Variants in TMEFF2 observed in about 807,000 individuals in gnomAD.
The protein encoded by TMEFF2 is transmembrane protein with EGF like and two follistatin like domains 2, also known as tomoregulin-2.
Under a neutral mutation model 53.8 loss-of-function variants are expected in TMEFF2, and 28 were observed. The ratio of observed to expected loss-of-function variants is 0.52; its 90% CI spans 0.39 to 0.71. The LOEUF is 0.71. Ranked by LOEUF, TMEFF2 falls within the 30% of genes least tolerant of loss-of-function variation. The probability of loss-of-function intolerance (pLI) is 0.00; values close to 1 mark genes in which losing one functional copy is unlikely to be tolerated. For missense variants in TMEFF2, 353 were observed against 455.2 expected (o/e 0.78, Z 2.04); for synonymous variants, 162 against 166.3 (o/e 0.97, Z 0.20).
At chr2:192,092,768 CAG>C in intron 4 of TMEFF2, among the ~76,000 whole-genome samples, 3 of 152,062 alleles carry the variant, frequency 2.0e-5, no homozygotes, top group Middle Eastern at 3.4e-3. Flanking sequence ...AAGAAAGGAG[CAG>C]AGAGGGAAAA....
intron 4 of TMEFF2, among the ~76,000 whole-genome samples, chr2:192,169,999 CT>C (rs1217711388): frequency 1.3e-5 from 2 of 151,960 alleles, no homozygotes; most frequent in Admixed American, 6.6e-5. Flanking sequence ...CTACTAATTC[CT>C]TTTTTTCCTT....
chr2:192,047,692 C>A (rs1687657398), intron 5 of TMEFF2, among the ~76,000 whole-genome samples: 1 of 152,096 alleles, frequency 6.6e-6, no homozygotes, highest in East Asian at 1.9e-4. Flanking sequence ...TGGCTTTTTT[C>A]TGTAATAAGC....
chr2:192,007,844 A>G (rs1686536525), intron 5 of TMEFF2, among the ~76,000 whole-genome samples: 1 of 152,212 alleles, frequency 6.6e-6, no homozygotes, highest in Admixed American at 6.5e-5. Flanking sequence ...TATATGGAAG[A>G]AAAGGAAGAA....
chr2:192,011,712 T>C (rs1427875502), intron 5 of TMEFF2, among the ~76,000 whole-genome samples: 1 of 152,158 alleles, frequency 6.6e-6, no homozygotes, highest in African/African-American at 2.4e-5. Flanking sequence ...ACCTGAAATT[T>C]GGCAGTATTT....
rs1027670261 is a variant in TMEFF2, at chr2:192,042,149, C to T, written c.536+15530G>A. ...TCAGGAGGCGGAGGTTGCAGTGAGC[C>T]GAGATCACACCACTGAACTCCAGCC... On this transcript the variant is annotated intron_variant, in intron 5 of 9. Coordinates refer to ENST00000272771, the MANE Select transcript of TMEFF2 (RefSeq NM_016192.4). Among the ~76,000 whole-genome samples the T allele has an allele frequency of 4.0e-5, 6 of 150,906 alleles. No homozygotes were observed. The South Asian group carries it at 6.3e-4, about 16-fold the overall frequency.
chr2:191,949,677 C>T lies in TMEFF2; in HGVS notation c.*634G>A. 1 of 985,412 alleles carries T rather than the reference C, an allele frequency of 1.0e-6. No homozygotes were observed. The highest frequency in any genetic ancestry group is 1.2e-6 in the Non-Finnish European group (1 of 829,934). The allele number at this position is 985,412 out of a possible 1,614,324, so 61.0% of individuals were successfully genotyped here. A position where few individuals can be genotyped will look rare whatever the true frequency, so the allele number is the denominator to read the frequency against. On this transcript the variant is annotated 3_prime_UTR_variant, in exon 10 of 10. Transcript: ENST00000272771. ...CCTCTCCTTTATGAGTTATAAAACA[C>T]TTTCCCTCCCCTTCTTCTTTTATTT...
At chr2:192,100,310 C>G (rs1214869469) in intron 4 of TMEFF2, among the ~76,000 whole-genome samples, 1 of 152,128 alleles carries the variant, frequency 6.6e-6, no homozygotes, top group East Asian at 1.9e-4. Flanking sequence ...GTCCAGAAAG[C>G]CTTGCCTCAT....
intron 4 of TMEFF2, among the ~76,000 whole-genome samples, chr2:192,069,988 G>GTGTATATATATATATA (rs1340532324): frequency 8.4e-6 from 1 of 118,806 alleles, no homozygotes; most frequent in Non-Finnish European, 1.8e-5. Context: ...GTGTGTGTGT[G>GTGTATATATATATATA]TATATATATA....
At chr2:192,173,220 A>C (rs1690957811) in intron 4 of TMEFF2, among the ~76,000 whole-genome samples, 1 of 151,886 alleles carries the variant, frequency 6.6e-6, no homozygotes, top group South Asian at 2.1e-4. Context: ...ATCATGATAC[A>C]TTGCATGCTT....
At chr2:192,039,315 A>G (rs534441206) in intron 5 of TMEFF2, among the ~76,000 whole-genome samples, 1 of 152,348 alleles carries the variant, frequency 6.6e-6, no homozygotes, top group Non-Finnish European at 1.5e-5. Flanking sequence ...GAAGTCTTAT[A>G]AGTAAATTTA....
At chr2:192,168,913 C>A (rs1382059948) in intron 4 of TMEFF2, among the ~76,000 whole-genome samples, 1 of 151,898 alleles carries the variant, frequency 6.6e-6, no homozygotes, top group Non-Finnish European at 1.5e-5. Flanking sequence ...CTATTTATAG[C>A]CACTATCATA....
chr2:192,052,423 A>G (rs1441673324), intron 5 of TMEFF2, among the ~76,000 whole-genome samples: 1 of 152,208 alleles, frequency 6.6e-6, no homozygotes, highest in Non-Finnish European at 1.5e-5. Context: ...ATTACTTCTA[A>G]GGAATAGTTC....
intron 5 of TMEFF2, chr2:192,044,459 G>T (rs950949542): frequency 6.6e-6 from 1 of 152,204 alleles, no homozygotes. Context: ...ACAATGCCTA[G>T]TGGGCCTCTT....
intron 4 of TMEFF2, among the ~76,000 whole-genome samples, chr2:192,076,024 G>A (rs1436344176): frequency 6.6e-6 from 1 of 151,984 alleles, no homozygotes; most frequent in African/African-American, 2.4e-5. Context: ...AACTACCTCT[G>A]TGGTCTCTCT....
At chr2:192,147,158 G>A (rs1414863224) in intron 4 of TMEFF2, among the ~76,000 whole-genome samples, 2 of 151,876 alleles carry the variant, frequency 1.3e-5, no homozygotes, top group African/African-American at 4.8e-5. Flanking sequence ...GAAGAAACAG[G>A]AACTCTTGTA....
intron 4 of TMEFF2, among the ~76,000 whole-genome samples, chr2:192,131,173 AAAAGGGC>A (rs2105977138): frequency 8.8e-5 from 1 of 11,314 alleles, no homozygotes; most frequent in African/African-American, 2.9e-4. Flanking sequence ...CTTTTCTGGG[AAAAGGGC>A]AAGTACCCCA....
chr2:191,950,468 C>T (rs1691840806), intron 9 of TMEFF2, 61 bp from the exon 10 acceptor site: 2 of 1,610,324 alleles, frequency 1.2e-6, no homozygotes, highest in Admixed American at 1.7e-5. Flanking sequence ...TTTGGCCCTA[C>T]AATCACAGAA....
chr2:192,027,400 A>T (rs1478837300), intron 5 of TMEFF2, among the ~76,000 whole-genome samples: 1 of 152,224 alleles, frequency 6.6e-6, no homozygotes, highest in Non-Finnish European at 1.5e-5. Flanking sequence ...GATATATATC[A>T]GAGAGGAGCG....
chr2:192,142,773 C>G (rs1447473819), intron 4 of TMEFF2, among the ~76,000 whole-genome samples: 1 of 152,136 alleles, frequency 6.6e-6, no homozygotes, highest in Non-Finnish European at 1.5e-5. Context: ...ACTGATCTAA[C>G]ACAGTGGACT....
Sources: allele counts gnomAD v4.1 joint callset (sites outside exome capture counted in the v4.1 genomes callset), GRCh38; gene constraint gnomAD v4.1.1; transcripts MANE v1.5; gene names NCBI Gene and HGNC (gene_info 2026-07-23, HGNC 2026-07-21).